The following WARS1 variants were observed in gnomAD, a reference collection of about 807,000 sequenced individuals.
WARS1 encodes tryptophan--tRNA ligase, cytoplasmic.
In WARS1, 17 loss-of-function variants were observed where a neutral mutation model predicts 47.8. That is an observed-to-expected ratio of 0.36 (90% CI 0.24 to 0.53). The LOEUF is 0.53. Ranked by LOEUF, WARS1 falls within the 20% of genes least tolerant of loss-of-function variation. The probability of loss-of-function intolerance (pLI) is 0.91; values close to 1 mark genes in which losing one functional copy is unlikely to be tolerated. For missense variants in WARS1, 434 were observed against 608.0 expected (o/e 0.71, Z 3.01); for synonymous variants, 208 against 228.1 (o/e 0.91, Z 0.79).
rs551085927 is a variant in WARS1, at chr14:100,333,875, T to C, written c.*1000A>G. The C allele has an allele frequency of 2.0e-5, 3 of 152,844 alleles. No homozygotes were observed. The highest frequency in any genetic ancestry group is 7.2e-5 in the African/African-American group (3 of 41,572). 9.5% of individuals were successfully genotyped at this position (152,844 alleles called of 1,614,324 possible). ...AGACCCAGATACATCAACCAAGGACTTCCCTGAGATTTGGCTTTGCTCTTC... is the reference window on the plus strand; with the variant it reads ...AGACCCAGATACATCAACCAAGGACCTCCCTGAGATTTGGCTTTGCTCTTC... On this transcript the variant is annotated 3_prime_UTR_variant, in exon 11 of 11. Coordinates refer to ENST00000392882, the MANE Select transcript of WARS1 (RefSeq NM_004184.4).
intron 9 of WARS1, among the ~76,000 whole-genome samples, chr14:100,338,302 G>A (rs761435257): frequency 2.6e-5 from 4 of 151,936 alleles, no homozygotes; most frequent in Non-Finnish European, 4.4e-5. Context: ...TCTCCAGTCT[G>A]TTGCCCAGGC....
intron 2 of WARS1, among the ~76,000 whole-genome samples, chr14:100,365,003 G>C (rs947641005): frequency 1.4e-4 from 22 of 151,922 alleles, no homozygotes; most frequent in Non-Finnish European, 3.1e-4. Context: ...GCAGTGGCTT[G>C]CATCTATAAT....
In WARS1 at chr14:100,353,835, T is replaced by C; in HGVS notation, c.577A>G (p.Ile193Val). The change falls in exon 6 of 11, where the codon ATC (isoleucine) becomes GTC (valine). Residue 193 changes from isoleucine to valine, a missense_variant. Coordinates refer to ENST00000392882, the MANE Select transcript of WARS1 (RefSeq NM_004184.4). Reference protein sequence around the residue: ...LQDVFNVPLVIQMTDDEKYLW... With the variant: ...LQDVFNVPLVVQMTDDEKYLW... ...TACTTCTCGTCATCCGTCATCTGGA[T>C]GACCAAGGGCACGTTAAATACATCC... is the stretch of plus-strand genomic sequence containing the variant. 2 of 1,614,158 alleles carry C rather than the reference T, an allele frequency of 1.2e-6. No homozygotes were observed. The highest frequency in any genetic ancestry group is 1.7e-6 in the Non-Finnish European group (2 of 1,180,016).
intron 6 of WARS1, among the ~76,000 whole-genome samples, chr14:100,348,830 T>C (rs191129910): frequency 6.6e-6 from 1 of 152,220 alleles, no homozygotes; most frequent in African/African-American, 2.4e-5. Context: ...CTGGTATTTC[T>C]GAGTTAGAGC....
chr14:100,345,037 G>A (rs1417964094), intron 7 of WARS1, among the ~76,000 whole-genome samples: 1 of 146,278 alleles, frequency 6.8e-6, no homozygotes, highest in Non-Finnish European at 1.5e-5. Flanking sequence ...CGCCCCGTCC[G>A]GGAGGGAGGT....
In WARS1 at chr14:100,371,447, C is replaced by CAAAAAAAAAAAAAAAAAAAAAAAAA. The variant is rs60977618; in HGVS notation, c.-73-2190_-73-2189insTTTTTTTTTTTTTTTTTTTTTTTTT. Among the ~76,000 whole-genome samples, 746 of 88,894 alleles carry CAAAAAAAAAAAAAAAAAAAAAAAAA rather than the reference C, an allele frequency of 8.4e-3. 93 individuals are homozygous for CAAAAAAAAAAAAAAAAAAAAAAAAA. Among genetic ancestry groups the CAAAAAAAAAAAAAAAAAAAAAAAAA allele is most frequent in the Non-Finnish European group, 0.016 (556 of 34,582 alleles). 58.3% of individuals were successfully genotyped at this position (88,894 alleles called of 152,430 possible). ...CCTGGGTGACAGAAAGGTTCTGTCT[C>CAAAAAAAAAAAAAAAAAAAAAAAAA]AAAAAAAAAAAAAAAAAAAAGTAGG... is the stretch of plus-strand genomic sequence containing the variant. On this transcript the variant is annotated intron_variant, in intron 1 of 10. Transcript: ENST00000392882.
intron 4 of WARS1, 129 bp downstream of exon 4, chr14:100,360,425 C>T (rs776598472): frequency 6.5e-6 from 4 of 619,818 alleles, no homozygotes; most frequent in Non-Finnish European, 8.5e-6. Flanking sequence ...GAGGATGGAT[C>T]TCAGTCTTAC....
rs1372142678 is a variant in WARS1 at position 100,360,566 on chromosome 14, A to T, written c.410T>A (p.Phe137Tyr). The T allele has an allele frequency of 6.2e-7, 1 of 1,612,882 alleles. No homozygotes were observed. Among genetic ancestry groups the T allele is most frequent in the Non-Finnish European group, 8.5e-7 (1 of 1,179,190 alleles). Residue 137 changes from phenylalanine (F) to tyrosine (Y), a missense_variant, in exon 4 of 11, where the codon TTC becomes TAC. Coordinates refer to ENST00000392882, the MANE Select transcript of WARS1 (RefSeq NM_004184.4). The stretch of plus-strand genomic sequence containing the variant: ...AAGAGCCCCTGACCTGTGTGAGAAG[A>T]AGATGCCTCTGCGCAGGAAGTGGTG... ...RPHHFLRRGI[F>Y]FSHRDMNQVL...
chr14:100,338,467 G>A (rs558584002), intron 9 of WARS1, among the ~76,000 whole-genome samples: 16 of 152,026 alleles, frequency 1.1e-4, no homozygotes, highest in African/African-American at 3.4e-4. Context: ...AGGTTTTGTC[G>A]TGTAGTCCAG....
At chr14:100,358,359 C>CCT (rs201362198) in intron 4 of WARS1, among the ~76,000 whole-genome samples, 4,000 of 152,166 alleles carry the variant, frequency 0.026, 130 homozygotes, top group African/African-American at 0.076. Context: ...GTCTCAATCT[C>CCT]CTGACCTCGT....
At chr14:100,367,003 G>T in intron 2 of WARS1, 1 of 1,065,864 alleles carries the variant, frequency 9.4e-7, no homozygotes, top group South Asian at 1.5e-5. Context: ...CGTCTGGTTT[G>T]TCCCTTACAG....
At chr14:100,366,567 C>T (rs1180806884) in intron 2 of WARS1, 2 of 633,870 alleles carry the variant, frequency 3.2e-6, no homozygotes, top group East Asian at 2.8e-5. Flanking sequence ...TGGAAAACTA[C>T]CATTAAGATC....
At chr14:100,338,063 G>A (rs772000360) in intron 9 of WARS1, among the ~76,000 whole-genome samples, 8 of 152,058 alleles carry the variant, frequency 5.3e-5, no homozygotes, top group Non-Finnish European at 1.2e-4. Context: ...GCAAACCCAC[G>A]AGAAGTGCTG....
intron 2 of WARS1, 45 bp from the exon 3 acceptor site, chr14:100,361,966 C>A: frequency 6.3e-7 from 1 of 1,585,800 alleles, no homozygotes; most frequent in Admixed American, 1.7e-5. Flanking sequence ...TTACTAATAG[C>A]TGATATGTGC....
chr14:100,344,689 C>G (rs1194769723), intron 7 of WARS1, among the ~76,000 whole-genome samples: 2 of 151,792 alleles, frequency 1.3e-5, no homozygotes, highest in South Asian at 4.2e-4. Context: ...AGTGTCTCTG[C>G]CCGGCCGCCC....
At chr14:100,374,105 A>C (rs866394308) in intron 1 of WARS1, 1 of 152,238 alleles carries the variant, frequency 6.6e-6, no homozygotes, top group Admixed American at 6.5e-5. Context: ...TGGTATGTAC[A>C]TGGTTTTGAG....
intron 2 of WARS1, chr14:100,368,550 T>C (rs1896147916): frequency 2.2e-6 from 1 of 452,232 alleles, no homozygotes; most frequent in Admixed American, 2.4e-5. Flanking sequence ...CTAAAAGAAT[T>C]GAGCAGGAAA....
At chr14:100,345,202 T>C (rs950736955) in intron 7 of WARS1, among the ~76,000 whole-genome samples, 10 of 148,936 alleles carry the variant, frequency 6.7e-5, no homozygotes, top group African/African-American at 2.5e-4. Flanking sequence ...CGGGCCATGA[T>C]GACAATGGCA....
intron 9 of WARS1, among the ~76,000 whole-genome samples, chr14:100,339,320 A>G (rs373847944): frequency 3.2e-4 from 48 of 152,262 alleles, no homozygotes; most frequent in Middle Eastern, 3.4e-3. Context: ...GGGCTGGCGC[A>G]GTGGCTCACG....
Sources: allele counts gnomAD v4.1 joint callset (sites outside exome capture counted in the v4.1 genomes callset), GRCh38; gene constraint gnomAD v4.1.1; transcripts MANE v1.5; gene names NCBI Gene and HGNC (gene_info 2026-07-23, HGNC 2026-07-21).